Variants in CHCHD6 observed in about 807,000 individuals in gnomAD.
CHCHD6 encodes coiled-coil-helix-coiled-coil-helix domain containing 6, also known as MICOS complex subunit MIC25.
In CHCHD6, 28 loss-of-function variants were observed where a neutral mutation model predicts 32.3. The observed-to-expected ratio is 0.87, with a 90% CI of 0.64 to 1.19. CHCHD6 has a LOEUF of 1.19. Among genes scored for constraint, CHCHD6 ranks in the 50% most tolerant of loss-of-function variants. The pLI is 0.00. For missense variants in CHCHD6, 333 were observed against 307.0 expected, an observed-to-expected ratio of 1.08 and a Z score of -0.63; for synonymous variants, 122 against 117.5, an observed-to-expected ratio of 1.04 and a Z score of -0.25.
intron 6 of CHCHD6, among the ~76,000 whole-genome samples, chr3:126,931,167 C>A (rs2078399609): frequency 6.6e-6 from 1 of 152,250 alleles, no homozygotes; most frequent in African/African-American, 2.4e-5. Context: ...CACCCAAAGC[C>A]CTGACTGGCC....
intron 4 of CHCHD6, among the ~76,000 whole-genome samples, chr3:126,772,671 G>T (rs1302565126): frequency 6.6e-6 from 1 of 152,042 alleles, no homozygotes; most frequent in African/African-American, 2.4e-5. Flanking sequence ...CATACCATTG[G>T]GTCTTCTTTA....
intron 5 of CHCHD6, among the ~76,000 whole-genome samples, chr3:126,885,655 A>G (rs1434481217): frequency 6.6e-6 from 1 of 152,218 alleles, no homozygotes; most frequent in African/African-American, 2.4e-5. Context: ...GTGTATATCT[A>G]AAGAACCATT....
chr3:126,885,891 A>G (rs1042012387), intron 5 of CHCHD6, among the ~76,000 whole-genome samples: 3 of 152,230 alleles, frequency 2.0e-5, no homozygotes, highest in African/African-American at 4.8e-5. Flanking sequence ...GACAGGAGAC[A>G]TGGAAGGACA....
chr3:126,762,615 G>A (rs560615021), intron 4 of CHCHD6, among the ~76,000 whole-genome samples: 6 of 152,224 alleles, frequency 3.9e-5, no homozygotes, highest in Non-Finnish European at 7.4e-5. Flanking sequence ...TATTGTTCAA[G>A]TCCTCTGTTT....
At chr3:126,799,649 A>T (rs1938971780) in intron 4 of CHCHD6, among the ~76,000 whole-genome samples, 1 of 152,190 alleles carries the variant, frequency 6.6e-6, no homozygotes, top group African/African-American at 2.4e-5. Context: ...CGTGTACCCC[A>T]CTGACAGTAT....
At chr3:126,862,234 T>A (rs1379345128) in intron 5 of CHCHD6, among the ~76,000 whole-genome samples, 171 of 58,876 alleles carry the variant, frequency 2.9e-3, no homozygotes, top group Middle Eastern at 0.019. Flanking sequence ...CTCCTCCTCC[T>A]CCATCACCAC....
intron 1 of CHCHD6, among the ~76,000 whole-genome samples, chr3:126,710,366 A>G (rs953325100): frequency 6.6e-6 from 1 of 152,080 alleles, no homozygotes; most frequent in Non-Finnish European, 1.5e-5. Flanking sequence ...CAAAATTGGG[A>G]CGTGTAAGGC....
At chr3:126,882,440 G>A (rs1192962171) in intron 5 of CHCHD6, among the ~76,000 whole-genome samples, 10 of 152,196 alleles carry the variant, frequency 6.6e-5, no homozygotes, top group African/African-American at 1.9e-4. Context: ...CTGGTTCTCC[G>A]CTGCAGAGGT....
chr3:126,910,823 C>T (rs117640667), intron 5 of CHCHD6, among the ~76,000 whole-genome samples: 8 of 152,040 alleles, frequency 5.3e-5, no homozygotes, highest in East Asian at 3.9e-4. Context: ...TGTGGCAGAT[C>T]GTGTCTGCTG....
At chr3:126,931,255 C>T (rs535880534) in intron 6 of CHCHD6, among the ~76,000 whole-genome samples, 66 of 152,362 alleles carry the variant, frequency 4.3e-4, no homozygotes, top group African/African-American at 1.5e-3. Flanking sequence ...TTGGGTTTCC[C>T]AGGGACCAGG....
At chr3:126,793,414 A>T (rs1938642944) in intron 4 of CHCHD6, among the ~76,000 whole-genome samples, 1 of 152,052 alleles carries the variant, frequency 6.6e-6, no homozygotes, top group Admixed American at 6.5e-5. Flanking sequence ...TACTCTATGG[A>T]TCATGATATA....
At chr3:126,759,026 C>T (rs1384387786) in intron 4 of CHCHD6, among the ~76,000 whole-genome samples, 2 of 152,226 alleles carry the variant, frequency 1.3e-5, no homozygotes, top group Admixed American at 1.3e-4. Context: ...TTGCTGTCAG[C>T]TCACCAGCGT....
chr3:126,958,872 C>T (rs2078823509), intron 7 of CHCHD6, among the ~76,000 whole-genome samples: 1 of 152,212 alleles, frequency 6.6e-6, no homozygotes, highest in Admixed American at 6.5e-5. Flanking sequence ...AGACACTTAG[C>T]TCCCTACTCA....
intron 4 of CHCHD6, among the ~76,000 whole-genome samples, chr3:126,807,991 G>A (rs1939489176): frequency 6.6e-6 from 1 of 152,220 alleles, no homozygotes; most frequent in Admixed American, 6.5e-5. Context: ...GCCAGGTCAG[G>A]CCCTGTGTTT....
intron 5 of CHCHD6, among the ~76,000 whole-genome samples, chr3:126,867,586 A>T (rs1942330688): frequency 6.6e-6 from 1 of 152,206 alleles, no homozygotes; most frequent in Admixed American, 6.5e-5. Flanking sequence ...TTCTCTGTCC[A>T]GCCTTGATCA....
At chr3:126,768,596 T>C (rs1397909478) in intron 4 of CHCHD6, among the ~76,000 whole-genome samples, 1 of 152,156 alleles carries the variant, frequency 6.6e-6, no homozygotes, top group Admixed American at 6.5e-5. Context: ...AATAATGAGA[T>C]TGCTGGGTTG....
chr3:126,957,487 A>G lies in CHCHD6; in HGVS notation c.638A>G (p.His213Arg), dbSNP rs1308210619. 17 of 1,605,212 alleles carry G rather than the reference A, an allele frequency of 1.1e-5. No homozygotes were observed. The highest frequency in any genetic ancestry group is 1.4e-5 in the Non-Finnish European group (16 of 1,176,196). ...CTCCACTGCTACCGAGATCGCCCGC[A>G]TGAGGTGCTGCTGTGCTCGGACCTG... ...QILHCYRDRP[H>R]EVLLCSDLVK... Residue 213 changes from histidine to arginine, a missense_variant, in exon 7 of 8, where the codon CAT becomes CGT. Physicochemically the swap from His to Arg is conservative, Grantham distance 29. Coordinates refer to ENST00000290913, the MANE Select transcript of CHCHD6 (RefSeq NM_032343.3).
intron 4 of CHCHD6, among the ~76,000 whole-genome samples, chr3:126,791,703 A>T (rs1938553716): frequency 6.6e-6 from 1 of 152,182 alleles, no homozygotes; most frequent in Non-Finnish European, 1.5e-5. Context: ...TCCACCTCCC[A>T]GGTTCAAGAG....
At chr3:126,865,944 G>T (rs1316295331) in intron 5 of CHCHD6, among the ~76,000 whole-genome samples, 1 of 152,192 alleles carries the variant, frequency 6.6e-6, no homozygotes, top group Non-Finnish European at 1.5e-5. Context: ...TGCTGAATTG[G>T]CTGCACACCT....
Sources: allele counts gnomAD v4.1 joint callset (sites outside exome capture counted in the v4.1 genomes callset), GRCh38; gene constraint gnomAD v4.1.1; transcripts MANE v1.5; gene names NCBI Gene and HGNC (gene_info 2026-07-23, HGNC 2026-07-21).